The following THOC2 variants were observed in gnomAD, a reference collection of about 807,000 sequenced individuals.
THOC2 encodes THO complex 2.
In THOC2, 10 loss-of-function variants were observed where a neutral mutation model predicts 128.4. The ratio of observed to expected loss-of-function variants is 0.08; its 90% CI spans 0.05 to 0.13. The LOEUF is 0.13. THOC2 is among the 10% of genes least tolerant of loss of function. The pLI, the probability that THOC2 is intolerant of heterozygous loss-of-function variation, is 1.00. For synonymous variants in THOC2, 393 were observed against 396.9 expected (o/e 0.99, Z 0.12); for missense variants, 535 against 1,155.7 (o/e 0.46, Z 7.79).
intron 12 of THOC2, among the ~76,000 whole-genome samples, chrX:123,656,462 A>C (rs6649052): frequency 0.32 from 35,205 of 109,992 alleles, 4,223 homozygotes; most frequent in East Asian, 0.68. Context: ...TAATCTCAGC[A>C]CTGTGGGAGG....
At chrX:123,623,621 T>A (rs1200436639) in intron 28 of THOC2, 166 bp downstream of exon 28, 1 of 1,105,529 alleles carries the variant, frequency 9.0e-7, no homozygotes. Flanking sequence ...CGGAAGTTGA[T>A]AATCAGAAGT....
intron 4 of THOC2, among the ~76,000 whole-genome samples, chrX:123,699,836 T>C (rs2050617579): frequency 8.9e-6 from 1 of 112,303 alleles, no homozygotes; most frequent in African/African-American, 3.2e-5. Context: ...CTAACCATTC[T>C]CTTGGGTTCT....
At chrX:123,664,073 A>G (rs1206231781) in intron 12 of THOC2, among the ~76,000 whole-genome samples, 2 of 112,293 alleles carry the variant, frequency 1.8e-5, no homozygotes, top group Non-Finnish European at 1.9e-5. Context: ...GTGCCGCAGT[A>G]AACAAACATG....
chrX:123,665,779 C>G lies in THOC2; in HGVS notation c.1249G>C (p.Ala417Pro). 8.3e-7 allele frequency: 1 copy of G among 1,202,660 alleles called. No individual in the cohort carries two copies. The highest frequency in any genetic ancestry group is 1.1e-6 in the Non-Finnish European group (1 of 890,762). ...SPVNALQNKR[A>P]PKQAESFEDL... is the part of the protein sequence containing the mutation. ...TCAAAGCTCTCAGCTTGTTTTGGTG[C>G]TCTCTTGTTTTGCAAAGCATTAACA... is the stretch of plus-strand genomic sequence containing the variant. Residue 417 changes from alanine to proline, a missense_variant, in exon 12 of 39, where the codon GCA becomes CCA. Transcript: ENST00000245838.
intron 18 of THOC2, among the ~76,000 whole-genome samples, chrX:123,636,908 A>G (rs1279600232): frequency 8.9e-6 from 1 of 112,196 alleles, no homozygotes; most frequent in Non-Finnish European, 1.9e-5. Flanking sequence ...TAAACAAATA[A>G]CTATGATGAG....
chrX:123,679,329 A>G (rs967467264), intron 8 of THOC2, among the ~76,000 whole-genome samples: 3 of 111,620 alleles, frequency 2.7e-5, no homozygotes, highest in Non-Finnish European at 5.6e-5. Flanking sequence ...TATCAGAGGC[A>G]TTTGATGGTT....
chrX:123,651,731 C>T (rs56097196), intron 12 of THOC2, among the ~76,000 whole-genome samples: 1 of 106,870 alleles, frequency 9.4e-6, no homozygotes, highest in South Asian at 4.5e-4. Context: ...ATACGCCCCC[C>T]CCCCAAGACT....
chrX:123,656,642 G>A (rs777138996), intron 12 of THOC2, among the ~76,000 whole-genome samples: 5 of 110,573 alleles, frequency 4.5e-5, no homozygotes, highest in African/African-American at 6.6e-5. Flanking sequence ...CCCAGAAGGC[G>A]GAGGTTGCAG....
At chrX:123,704,016 GGAA>G (rs1233910067) in intron 3 of THOC2, among the ~76,000 whole-genome samples, 1 of 109,893 alleles carries the variant, frequency 9.1e-6, no homozygotes, top group Non-Finnish European at 1.9e-5. Flanking sequence ...ATAACAAAGA[GGAA>G]GAAGATAATG....
chrX:123,653,710 T>C (rs1375793189), intron 12 of THOC2, among the ~76,000 whole-genome samples: 1 of 111,807 alleles, frequency 8.9e-6, no homozygotes, highest in African/African-American at 3.3e-5. Context: ...AAAACCACAA[T>C]GAGATACCAT....
chrX:123,711,958 TAAAAAAAAAA>T (rs55916247), intron 2 of THOC2, among the ~76,000 whole-genome samples: 1 of 46,853 alleles, frequency 2.1e-5, no homozygotes, highest in East Asian at 7.8e-4. Context: ...CTGTCTACTT[TAAAAAAAAAA>T]AAAAAAAAAA....
At chrX:123,631,246 C>T (rs1309596492) in intron 22 of THOC2, among the ~76,000 whole-genome samples, 2 of 112,040 alleles carry the variant, frequency 1.8e-5, no homozygotes, top group Non-Finnish European at 3.8e-5. Context: ...GGTGTGACAA[C>T]AGTAAGACGT....
intron 15 of THOC2, among the ~76,000 whole-genome samples, chrX:123,642,713 T>C (rs776187243): frequency 1.8e-5 from 2 of 109,099 alleles, no homozygotes; most frequent in East Asian, 2.9e-4. Flanking sequence ...TGAGGTCCCA[T>C]TTTTACAAAG....
At chrX:123,614,907 T>A (rs890811143) in intron 33 of THOC2, among the ~76,000 whole-genome samples, 2 of 111,613 alleles carry the variant, frequency 1.8e-5, no homozygotes, top group Non-Finnish European at 3.8e-5. Flanking sequence ...AATATTCTCC[T>A]CTGCCTATTC....
chrX:123,632,527 T>C (rs887533280), intron 21 of THOC2, among the ~76,000 whole-genome samples: 11 of 93,999 alleles, frequency 1.2e-4, no homozygotes, highest in African/African-American at 1.6e-4. Flanking sequence ...GAAAAGAGAG[T>C]GAGCATGCAC....
intron 8 of THOC2, among the ~76,000 whole-genome samples, chrX:123,685,005 C>G (rs2049946973): frequency 8.9e-6 from 1 of 112,490 alleles, no homozygotes; most frequent in African/African-American, 3.2e-5. Context: ...TGCTTTCTGA[C>G]TAGCTGACTA....
chrX:123,732,398 CGA>C (rs1413582917), intron 1 of THOC2, among the ~76,000 whole-genome samples: 3 of 112,439 alleles, frequency 2.7e-5, no homozygotes, highest in African/African-American at 9.7e-5. Context: ...CCCGGGAGGG[CGA>C]GAGGTGCCAA....
At chrX:123,648,220 C>G (rs1012022712) in intron 12 of THOC2, among the ~76,000 whole-genome samples, 1 of 111,771 alleles carries the variant, frequency 8.9e-6, no homozygotes, top group African/African-American at 3.2e-5. Context: ...GAACTCTCTC[C>G]CCTAGCCAAG....
chrX:123,671,540 G>T, intron 9 of THOC2, 129 bp downstream of exon 9: 1 of 354,814 alleles, frequency 2.8e-6, no homozygotes, highest in Non-Finnish European at 5.1e-6. Flanking sequence ...ACAATGTATT[G>T]GGGCTTCAAA....
Sources: gnomAD v4.1 joint callset for allele counts (sites outside exome capture counted in the v4.1 genomes callset) on GRCh38, gnomAD v4.1.1 for gene constraint, MANE v1.5 for transcripts, NCBI Gene and HGNC (gene_info 2026-07-23, HGNC 2026-07-21) for gene names.